The following ADAMTS2 variants were observed in gnomAD, a reference collection of about 807,000 sequenced individuals.
ADAMTS2 encodes ADAM metallopeptidase with thrombospondin type 1 motif 2, also known as A disintegrin and metalloproteinase with thrombospondin motifs 2.
ADAMTS2 carries 50 observed loss-of-function variants against 123.0 expected under a neutral mutation model. The ratio of observed to expected loss-of-function variants is 0.41; its 90% confidence interval spans 0.32 to 0.51. The LOEUF (loss-of-function observed/expected upper bound fraction) is 0.51. Among genes scored for constraint, ADAMTS2 ranks in the 20% least tolerant of loss-of-function variants. The probability of loss-of-function intolerance (pLI) is 0.35; values close to 1 mark genes in which losing one functional copy is unlikely to be tolerated. For synonymous variants in ADAMTS2, 678 were observed against 695.4 expected (o/e 0.98, Z 0.39); for missense variants, 1,494 against 1,705.2 (o/e 0.88, Z 2.18).
chr5:179,318,926 A>G (rs55877280), intron 2 of ADAMTS2, among the ~76,000 whole-genome samples: 3,002 of 152,218 alleles, frequency 0.02, 98 homozygotes, highest in African/African-American at 0.068. Context: ...TCCACCATGC[A>G]CTCTGGGCAA....
Position 179,226,000 on chromosome 5 carries a change from CT to C in ADAMTS2, c.689-18286del, listed in dbSNP as rs1169315588. ...CTTCAGGGGCTGCAAACATTCACCCCTAGACACTGCTGTGGGGTCGGAGCCC... is the reference window on the plus strand; with the variant it reads ...CTTCAGGGGCTGCAAACATTCACCCCAGACACTGCTGTGGGGTCGGAGCCC... On this transcript the variant is annotated intron_variant, in intron 3 of 21. Coordinates refer to ENST00000251582, the MANE Select transcript of ADAMTS2 (RefSeq NM_014244.5). The surrounding 1 kb of genome is among the most constrained non-coding windows in gnomAD (Gnocchi z 4.5). Among the ~76,000 whole-genome samples, 1 of 152,170 alleles carries C rather than the reference CT, an allele frequency of 6.6e-6. No individual in the cohort carries two copies. Among genetic ancestry groups the C allele is most frequent in the Non-Finnish European group, 1.5e-5 (1 of 68,034 alleles).
Position 179,189,546 on chromosome 5 carries a change from G to A in ADAMTS2, c.892-8391C>T, listed in dbSNP as rs149054553. ...TTTTTTTTTTTTTTTTTTAGTAGAGGCAGGGTTTCACAATGTTAGCCAGGA... is the reference window on the plus strand; with the variant it reads ...TTTTTTTTTTTTTTTTTTAGTAGAGACAGGGTTTCACAATGTTAGCCAGGA... On this transcript the variant is annotated intron_variant, in intron 4 of 21. Transcript: ENST00000251582. The surrounding 1 kb of genome is among the most constrained non-coding windows in gnomAD (Gnocchi z 4.2). 0.025 allele frequency among the ~76,000 whole-genome samples: 2,952 copies of A among 118,096 alleles called. 102 individuals carry two copies. Among genetic ancestry groups the A allele is most frequent in the African/African-American group, 0.074 (2,263 of 30,486 alleles). The allele number at this position is 118,096 out of a possible 152,430, so 77.5% of individuals were successfully genotyped here.
At position 179,137,886 on chromosome 5, in the gene ADAMTS2, G is replaced by A. The variant is rs756757077; in HGVS notation, c.1834C>T (p.Arg612Cys). 18 of 1,556,438 alleles carry A rather than the reference G, an allele frequency of 1.2e-5. No homozygotes were observed. Among genetic ancestry groups the A allele is most frequent in the Middle Eastern group, 3.4e-4 (2 of 5,922 alleles). The change falls in exon 12 of 22, where the codon CGC becomes TGC. Residue 612 changes from arginine (R) to cysteine (C), a missense_variant. By Grantham distance (180) the Arg-to-Cys change is radical. Coordinates refer to ENST00000251582, the MANE Select transcript of ADAMTS2 (RefSeq NM_014244.5). ...GCCAGGGAGTCGGGGCAGTCCTGGC[G>A]GCTGCAGAGCTGGAAGTCGTAGGCA... is the stretch of plus-strand genomic sequence containing the variant. ...GLAYDFQLCS[R>C]QDCPDSLADF...
intron 10 of ADAMTS2, among the ~76,000 whole-genome samples, chr5:179,148,941 TG>T (rs1265656126): frequency 1.8e-5 from 2 of 112,894 alleles, no homozygotes; most frequent in Non-Finnish European, 3.7e-5. Context: ...TCCCGGCCCC[TG>T]GGGGGTCCTA....
At position 179,135,954 on chromosome 5, in the gene ADAMTS2, G is replaced by A. The variant is rs2113214443; in HGVS notation, c.2040C>T (p.Cys680=). 1 of 1,613,350 alleles carries A rather than the reference G, an allele frequency of 6.2e-7. No homozygotes were observed. Among genetic ancestry groups the A allele is most frequent in the South Asian group, 1.1e-5 (1 of 91,084 alleles). Residue 680 remains cysteine (C), a synonymous_variant, in exon 13 of 22, where the codon TGC becomes TGT. Transcript: ENST00000251582. The part of the protein sequence containing the change: ...MKRMVHDGTR[C]SYKDAFSLCV... ...AGAGGCTGAAGGCGTCCTTGTAGGA[G>A]CAGCGCGTCCCGTCATGCACCATGC...
intron 2 of ADAMTS2, among the ~76,000 whole-genome samples, chr5:179,298,306 T>TGGTGTGA (rs993921816): frequency 1.3e-5 from 2 of 152,068 alleles, no homozygotes; most frequent in African/African-American, 4.8e-5. Context: ...CCCAAGGTGA[T>TGGTGTGA]GGTGTGAAGC....
chr5:179,201,629 T>TATAAA (rs1399755926), intron 4 of ADAMTS2, among the ~76,000 whole-genome samples: 1 of 11,456 alleles, frequency 8.7e-5, no homozygotes, highest in Admixed American at 6.7e-4. Flanking sequence ...TTACTAAAAA[T>TATAAA]ACAAAAAAAA....
At chr5:179,309,639 C>T (rs1199405161) in intron 2 of ADAMTS2, among the ~76,000 whole-genome samples, 1 of 151,804 alleles carries the variant, frequency 6.6e-6, no homozygotes, top group Non-Finnish European at 1.5e-5. Flanking sequence ...GCACCGGTAA[C>T]CCCAGCTACT....
At position 179,185,462 on chromosome 5, in the gene ADAMTS2, G is replaced by A. The variant is rs546453292; in HGVS notation, c.892-4307C>T. ...GGGGCTGGCCCTCTCCTGGCTCCTG[G>A]CCAGGCCCTGCCCCTCAGGACGCAA... On this transcript the variant is annotated intron_variant, in intron 4 of 21. Transcript: ENST00000251582. The surrounding 1 kb of genome is among the most constrained non-coding windows in gnomAD (Gnocchi z 5.9). Among the ~76,000 whole-genome samples, 1 of 152,192 alleles carries A rather than the reference G, an allele frequency of 6.6e-6. No homozygotes were observed. Among genetic ancestry groups the A allele is most frequent in the East Asian group, 1.9e-4 (1 of 5,150 alleles).
intron 5 of ADAMTS2, among the ~76,000 whole-genome samples, chr5:179,179,994 C>T (rs1307110099): frequency 6.6e-6 from 1 of 152,160 alleles, no homozygotes; most frequent in Non-Finnish European, 1.5e-5. Flanking sequence ...AGAAGCCTGA[C>T]TCCTCGGGTG....
intron 10 of ADAMTS2, among the ~76,000 whole-genome samples, chr5:179,150,230 T>G (rs2411908): frequency 0.14 from 21,721 of 152,072 alleles, 1,620 homozygotes; most frequent in African/African-American, 0.18. Context: ...CGGGGAGCCA[T>G]GCTTAGCTGG....
chr5:179,340,796 A>G (rs1757750648), intron 2 of ADAMTS2, among the ~76,000 whole-genome samples: 1 of 152,186 alleles, frequency 6.6e-6, no homozygotes, highest in Non-Finnish European at 1.5e-5. Context: ...GTCACTTACC[A>G]TCATTACCTT....
rs951414294 is a variant in ADAMTS2 at position 179,129,424 on chromosome 5, A to G, written c.2457+508T>C. 6.6e-6 allele frequency among the ~76,000 whole-genome samples: 1 copy of G among 152,312 alleles called. No individual in the cohort carries two copies. The highest frequency in any genetic ancestry group is 1.5e-5 in the Non-Finnish European group (1 of 68,032). On this transcript the variant is annotated intron_variant, in intron 16 of 21. Coordinates refer to ENST00000251582, the MANE Select transcript of ADAMTS2 (RefSeq NM_014244.5). The surrounding 1 kb of genome is among the most constrained non-coding windows in gnomAD (Gnocchi z 4.1). Reference sequence around the variant, plus strand: ...ATATATCCCTATGCAGTTAAATTACATTTTAAAAAGTGATCTGACCTCCTC... The same window carrying G: ...ATATATCCCTATGCAGTTAAATTACGTTTTAAAAAGTGATCTGACCTCCTC...
chr5:179,161,879 C>T (rs979449035), intron 5 of ADAMTS2, among the ~76,000 whole-genome samples: 1 of 152,150 alleles, frequency 6.6e-6, no homozygotes, highest in African/African-American at 2.4e-5. Flanking sequence ...GACTTTTTAA[C>T]ATACATTTTT....
At chr5:179,167,258 G>A (rs1763720087) in intron 5 of ADAMTS2, among the ~76,000 whole-genome samples, 1 of 151,992 alleles carries the variant, frequency 6.6e-6, no homozygotes, top group South Asian at 2.1e-4. Context: ...GGCAGAGGAA[G>A]GGCCGGGCCC....
At position 179,129,951 on chromosome 5, in the gene ADAMTS2, T is replaced by C. The variant is rs1202039606; in HGVS notation, c.2438A>G (p.His813Arg). 6.2e-7 allele frequency: 1 copy of C among 1,613,926 alleles called. No individual in the cohort carries two copies. The highest frequency in any genetic ancestry group is 2.2e-5 in the East Asian group (1 of 44,872). The part of the protein sequence containing the change: ...RETLQTMGPL[H>R]GTITVLVIPV... ...ACTCACCAGAACGGTGATGGTGCCG[T>C]GGAGGGGGCCCATGGTCTGCAGCGT... Residue 813 changes from histidine (H) to arginine (R), a missense_variant, in exon 16 of 22, where the codon CAC becomes CGC. By Grantham distance (29) the His-to-Arg change is conservative (BLOSUM62 0). Coordinates refer to ENST00000251582, the MANE Select transcript of ADAMTS2 (RefSeq NM_014244.5). This position sits in a 1 kb window ranked among gnomAD's most constrained non-coding sequence, Gnocchi z 4.1.
rs561892673 is a variant in ADAMTS2 at position 179,212,437 on chromosome 5, G to A, written c.689-4722C>T. 4.0e-5 allele frequency among the ~76,000 whole-genome samples: 6 copies of A among 149,626 alleles called. No homozygotes were observed. The East Asian group carries it at 6.1e-4, about 15-fold the overall frequency. On this transcript the variant is annotated intron_variant, in intron 3 of 21. Transcript: ENST00000251582. The stretch of plus-strand genomic sequence containing the variant: ...CTGAAGGCAGGTGCAGTGGGCAGGC[G>A]TGGGCCCTGAGGGTGGGTTCAGTGG...
At chr5:179,165,751 AG>A (rs1470936847) in intron 5 of ADAMTS2, among the ~76,000 whole-genome samples, 1 of 152,122 alleles carries the variant, frequency 6.6e-6, no homozygotes, top group Non-Finnish European at 1.5e-5. Context: ...AGGGCCTCTG[AG>A]GGCAGACTCT....
chr5:179,294,798 G>C (rs1756285475), intron 2 of ADAMTS2, among the ~76,000 whole-genome samples: 1 of 152,248 alleles, frequency 6.6e-6, no homozygotes, highest in African/African-American at 2.4e-5. Flanking sequence ...CATTTTCCCT[G>C]AAAAATCCTT....
Sources: gnomAD v4.1 joint callset for allele counts (sites outside exome capture counted in the v4.1 genomes callset) on GRCh38, gnomAD v4.1.1 for gene constraint, Gnocchi (gnomAD v3.1) non-coding constraint, MANE v1.5 for transcripts, NCBI Gene and HGNC (gene_info 2026-07-23, HGNC 2026-07-21) for gene names.